The following TMEM128 variants were observed in gnomAD, a reference collection of about 807,000 sequenced individuals.
The protein encoded by TMEM128 is transmembrane protein 128.
In TMEM128, 16 loss-of-function variants were observed where a neutral mutation model predicts 19.7. That is an observed-to-expected ratio of 0.81 (90% CI 0.55 to 1.23). The LOEUF (loss-of-function observed/expected upper bound fraction) is 1.23, where lower values mean the gene tolerates loss of function less well. TMEM128 is among the 50% of genes most tolerant of loss of function. The pLI, the probability that TMEM128 is intolerant of heterozygous loss-of-function variation, is 0.00. For missense variants in TMEM128, 237 were observed against 200.8 expected, an observed-to-expected ratio of 1.18 and a Z score of -1.09; for synonymous variants, 98 against 75.8, an observed-to-expected ratio of 1.29 and a Z score of -1.52.
At chr4:4,245,085 C>A (rs1415250618) in intron 2 of TMEM128, among the ~76,000 whole-genome samples, 1 of 152,168 alleles carries the variant, frequency 6.6e-6, no homozygotes, top group East Asian at 1.9e-4. Context: ...ACAGTCCTGT[C>A]TGCATCTTCC....
chr4:4,237,179 A>T (rs1717753874), intron 4 of TMEM128: 17 of 414,104 alleles, frequency 4.1e-5, no homozygotes, highest in South Asian at 1.9e-4. Context: ...AGATGGCAGA[A>T]TTTTTTTTCC....
chr4:4,240,018 CTAATTCATTCAT>C (rs1363284889), intron 3 of TMEM128, among the ~76,000 whole-genome samples: 1 of 152,156 alleles, frequency 6.6e-6, no homozygotes, highest in African/African-American at 2.4e-5. Context: ...AATTCATTCA[CTAATTCATTCAT>C]CTCAGTTTTT....
intron 3 of TMEM128, among the ~76,000 whole-genome samples, chr4:4,238,970 G>A (rs1031651824): frequency 3.9e-5 from 6 of 152,208 alleles, no homozygotes; most frequent in South Asian, 2.1e-4. Flanking sequence ...CTGGGAAGTC[G>A]AGGCTGCAGT....
chr4:4,239,857 T>C (rs1362039670), intron 3 of TMEM128, among the ~76,000 whole-genome samples: 1 of 152,084 alleles, frequency 6.6e-6, no homozygotes, highest in African/African-American at 2.4e-5. Flanking sequence ...GAAACAAAAA[T>C]AGAATATCTA....
intron 2 of TMEM128, among the ~76,000 whole-genome samples, chr4:4,241,734 A>G (rs56372811): frequency 1.7e-3 from 253 of 152,310 alleles, no homozygotes; most frequent in Non-Finnish European, 2.9e-3. Flanking sequence ...AACTTGAGCA[A>G]GACTAGTTTT....
intron 1 of TMEM128, 120 bp from the exon 2 acceptor site, chr4:4,246,463 T>C: frequency 1.9e-6 from 2 of 1,037,342 alleles, no homozygotes; most frequent in Non-Finnish European, 2.7e-6. Flanking sequence ...TGATAACAAA[T>C]CCTTCTGTAA....
At chr4:4,243,372 G>A (rs1015653429) in intron 2 of TMEM128, among the ~76,000 whole-genome samples, 7 of 152,306 alleles carry the variant, frequency 4.6e-5, no homozygotes, top group Admixed American at 2.0e-4. Flanking sequence ...GTGAGCCACC[G>A]CGCCTGGCCT....
intron 2 of TMEM128, among the ~76,000 whole-genome samples, chr4:4,245,821 CAT>C (rs1207857497): frequency 6.6e-6 from 1 of 151,806 alleles, no homozygotes; most frequent in African/African-American, 2.4e-5. Context: ...TACGTGTATA[CAT>C]ATACACACAC....
rs926275021 is a variant in TMEM128 at position 4,246,408 on chromosome 4, A to G, written c.98-65T>C. On this transcript the variant is annotated intron_variant, in intron 1 of 4. Transcript: ENST00000382753. ...ATTTTGCGAGGAAAAATTACACTTA[A>G]GCCAAATAAAATCATTTCCTAGAGC... 1.2e-5 allele frequency: 18 copies of G among 1,498,418 alleles called. No homozygotes were observed. In the South Asian group the frequency reaches 1.9e-4, roughly 16 times the overall value. The allele number at this position is 1,498,418 out of a possible 1,614,324, so 92.8% of individuals were successfully genotyped here. A position where few individuals can be genotyped will look rare whatever the true frequency, so the allele number is the denominator to read the frequency against.
chr4:4,236,788 G>A (rs1411062390), intron 4 of TMEM128, among the ~76,000 whole-genome samples: 1 of 152,242 alleles, frequency 6.6e-6, no homozygotes, highest in East Asian at 1.9e-4. Flanking sequence ...GGGAGAACAT[G>A]CTGTTTTTAG....
In TMEM128 at chr4:4,248,192, G is replaced by T. The variant is rs949998307; in HGVS notation, c.11C>A (p.Ser4Ter). The T allele has an allele frequency of 2.0e-6, 3 of 1,525,548 alleles. No individual in the cohort carries two copies. Among genetic ancestry groups the T allele is most frequent in the African/African-American group, 1.4e-5 (1 of 71,492 alleles). The allele number at this position is 1,525,548 out of a possible 1,614,324, so 94.5% of individuals were successfully genotyped here. A position where few individuals can be genotyped will look rare whatever the true frequency, so the allele number is the denominator to read the frequency against. MDS[S>*]RARQQLRRRF... ...CCGCCGGAGCTGCTGCCGGGCCCGCGAGGAGTCCATCTTGGTACCGCCCCG... is the reference window on the plus strand; with the variant it reads ...CCGCCGGAGCTGCTGCCGGGCCCGCTAGGAGTCCATCTTGGTACCGCCCCG... The change falls in exon 1 of 5, where the codon TCG (serine) becomes TAG (stop). Residue 4 changes from serine to a stop codon, truncating the protein, a stop_gained. Coordinates refer to ENST00000382753, the MANE Select transcript of TMEM128 (RefSeq NM_001297551.2). LOFTEE classifies it high-confidence loss of function.
chr4:4,248,190 G>T lies in TMEM128; in HGVS notation c.13C>A (p.Arg5=), dbSNP rs749553570. MDSS[R]ARQQLRRRFL... ...CGCCGCCGGAGCTGCTGCCGGGCCC[G>T]CGAGGAGTCCATCTTGGTACCGCCC... Residue 5 remains arginine, a synonymous_variant, in exon 1 of 5, where the codon CGG becomes AGG. Coordinates refer to ENST00000382753, the MANE Select transcript of TMEM128 (RefSeq NM_001297551.2). 1.3e-6 allele frequency: 2 copies of T among 1,525,472 alleles called. No homozygotes were observed. The highest frequency in any genetic ancestry group is 1.8e-6 in the Non-Finnish European group (2 of 1,137,006). The allele number at this position is 1,525,472 out of a possible 1,614,324, so 94.5% of individuals were successfully genotyped here. A position where few individuals can be genotyped will look rare whatever the true frequency, so the allele number is the denominator to read the frequency against.
At chr4:4,247,798 G>A in intron 1 of TMEM128, 1 of 1,452,882 alleles carries the variant, frequency 6.9e-7, no homozygotes, top group Non-Finnish European at 9.1e-7. Flanking sequence ...GAAACACTGC[G>A]CACATCATTG....
intron 1 of TMEM128, 70 bp downstream of exon 1, chr4:4,248,036 C>G: frequency 6.6e-7 from 1 of 1,523,698 alleles, no homozygotes; most frequent in Admixed American, 2.0e-5. Flanking sequence ...TGGGCCAGGG[C>G]TGCCGGAGGC....
rs1718171118 is a variant in TMEM128, at chr4:4,246,335, T to TGGAGGTTTCTGCAAATAAG, written c.98-11_105dup (p.Thr36LeufsTer10). On this transcript the variant is annotated frameshift_variant, in exon 2 of 5. Transcript: ENST00000382753. LOFTEE classifies it high-confidence loss of function. ...GGTTTCTCCTTTTTCTCAACAGCTGTGGAGGTTTCTGCAAATAAGGGAGAT... is the reference window on the plus strand; with the variant it reads ...GGTTTCTCCTTTTTCTCAACAGCTGTGGAGGTTTCTGCAAATAAGGGAGGTTTCTGCAAATAAGGGAGAT... The TGGAGGTTTCTGCAAATAAG allele has an allele frequency of 6.3e-7, 1 of 1,598,624 alleles. No homozygotes were observed. The highest frequency in any genetic ancestry group is 1.4e-5 in the African/African-American group (1 of 73,872).
chr4:4,248,203 C>T lies in TMEM128; in HGVS notation c.-1G>A. 6.6e-7 allele frequency: 1 copy of T among 1,504,934 alleles called. No individual in the cohort carries two copies. Among genetic ancestry groups the T allele is most frequent in the African/African-American group, 1.4e-5 (1 of 70,722 alleles). The allele number at this position is 1,504,934 out of a possible 1,614,324, so 93.2% of individuals were successfully genotyped here. On this transcript the variant is annotated 5_prime_UTR_variant, in exon 1 of 5. Coordinates refer to ENST00000382753, the MANE Select transcript of TMEM128 (RefSeq NM_001297551.2). ...GCTGCCGGGCCCGCGAGGAGTCCATCTTGGTACCGCCCCGAAATGCGACGG... is the reference window on the plus strand; with the variant it reads ...GCTGCCGGGCCCGCGAGGAGTCCATTTTGGTACCGCCCCGAAATGCGACGG...
chr4:4,243,565 C>T lies in TMEM128; in HGVS notation c.239+2637G>A, dbSNP rs546338194. 4.0e-4 allele frequency among the ~76,000 whole-genome samples: 61 copies of T among 152,256 alleles called. 1 individual carries two copies. The South Asian group carries it at 0.012, about 30-fold the overall frequency. ...CAGCCGGCACTGTCTTTTGTGCAGCCCTCTCATTTCATGGCTGTTCAATAC... is the reference window on the plus strand; with the variant it reads ...CAGCCGGCACTGTCTTTTGTGCAGCTCTCTCATTTCATGGCTGTTCAATAC... On this transcript the variant is annotated intron_variant, in intron 2 of 4. Transcript: ENST00000382753.
chr4:4,243,586 A>G (rs1259448636), intron 2 of TMEM128, among the ~76,000 whole-genome samples: 1 of 152,182 alleles, frequency 6.6e-6, no homozygotes, highest in Non-Finnish European at 1.5e-5. Context: ...ATGGCTGTTC[A>G]ATACCCCCCA....
Position 4,248,175 on chromosome 4 carries a change from G to A in TMEM128, c.28C>T (p.Leu10Phe). 4 of 1,531,808 alleles carry A rather than the reference G, an allele frequency of 2.6e-6. No homozygotes were observed. The highest frequency in any genetic ancestry group is 1.4e-5 in the African/African-American group (1 of 71,808). 94.9% of individuals were successfully genotyped at this position (1,531,808 alleles called of 1,614,324 possible). Residue 10 changes from leucine (L) to phenylalanine (F), a missense_variant, in exon 1 of 5, where the codon CTC becomes TTC. Leu to Phe is a conservative substitution (Grantham distance 22). Coordinates refer to ENST00000382753, the MANE Select transcript of TMEM128 (RefSeq NM_001297551.2). ...GGCAGGAGGAGGAATCGCCGCCGGA[G>A]CTGCTGCCGGGCCCGCGAGGAGTCC... MDSSRARQQ[L>F]RRRFLLLPDA...
Sources: gnomAD v4.1 joint callset for allele counts (sites outside exome capture counted in the v4.1 genomes callset) on GRCh38, gnomAD v4.1.1 for gene constraint, MANE v1.5 for transcripts, NCBI Gene and HGNC (gene_info 2026-07-23, HGNC 2026-07-21) for gene names.